Variants in TOX3 observed in about 807,000 individuals in gnomAD.
TOX3 encodes the protein TOX high mobility group box family member 3, also known as CAG trinucleotide repeat-containing gene F9 protein.
A neutral mutation model predicts 64.3 loss-of-function variants in TOX3; 22 were observed. The observed-to-expected ratio is 0.34, with a 90% CI of 0.24 to 0.49. TOX3 has a LOEUF of 0.49. Among genes scored for constraint, TOX3 ranks in the 20% least tolerant of loss-of-function variants. TOX3 has a pLI of 0.99. For synonymous variants in TOX3, 291 were observed against 273.6 expected (o/e 1.06, Z -0.63); for missense variants, 661 against 714.4 (o/e 0.93, Z 0.85).
intron 3 of TOX3, among the ~76,000 whole-genome samples, 164 bp downstream of exon 3, chr16:52,463,770 C>T (rs1378101283): frequency 1.3e-5 from 2 of 152,192 alleles, no homozygotes; most frequent in South Asian, 2.1e-4. Flanking sequence ...CCCAATACCC[C>T]TTTGTTCAAT....
chr16:52,478,232 T>C (rs1961272957), intron 1 of TOX3, among the ~76,000 whole-genome samples: 1 of 152,188 alleles, frequency 6.6e-6, no homozygotes, highest in Admixed American at 6.5e-5. Context: ...TGCTGGCTCC[T>C]TCTCCAAACT....
intron 1 of TOX3, among the ~76,000 whole-genome samples, chr16:52,530,455 A>G (rs1011201131): frequency 6.6e-6 from 1 of 151,642 alleles, no homozygotes; most frequent in Non-Finnish European, 1.5e-5. Flanking sequence ...TCCGGCCTCA[A>G]TCTCCCGAGT....
chr16:52,519,326 A>T (rs1596853236), intron 1 of TOX3: 3 of 1,387,128 alleles, frequency 2.2e-6, no homozygotes, highest in Admixed American at 2.3e-5. Context: ...TAGTGCATTC[A>T]TCAGACAAAC....
At chr16:52,507,600 G>A (rs2151468978) in intron 1 of TOX3, among the ~76,000 whole-genome samples, 1 of 152,062 alleles carries the variant, frequency 6.6e-6, no homozygotes, top group African/African-American at 2.4e-5. Context: ...CACACAGCTT[G>A]GTAAGCAAAA....
intron 1 of TOX3, among the ~76,000 whole-genome samples, chr16:52,486,134 T>C (rs1442695074): frequency 6.6e-6 from 1 of 152,106 alleles, no homozygotes; most frequent in Non-Finnish European, 1.5e-5. Flanking sequence ...GTTCAATGAA[T>C]GAGGCCCCCC....
intron 1 of TOX3, among the ~76,000 whole-genome samples, chr16:52,493,507 A>G (rs1961756608): frequency 6.6e-6 from 1 of 152,226 alleles, no homozygotes; most frequent in Admixed American, 6.5e-5. Flanking sequence ...TTTTATGCCA[A>G]ATATCATCTG....
At chr16:52,500,417 A>T (rs763753072) in intron 1 of TOX3, among the ~76,000 whole-genome samples, 1 of 152,220 alleles carries the variant, frequency 6.6e-6, no homozygotes, top group African/African-American at 2.4e-5. Context: ...GCATTCGATC[A>T]TATGAAGCAA....
intron 1 of TOX3, among the ~76,000 whole-genome samples, chr16:52,480,583 AC>A (rs1961343459): frequency 6.6e-6 from 1 of 152,312 alleles, no homozygotes; most frequent in African/African-American, 2.4e-5. Flanking sequence ...TTAAATGAAA[AC>A]CTTTTAACGA....
At chr16:52,486,098 T>A (rs1470543102) in intron 1 of TOX3, among the ~76,000 whole-genome samples, 1 of 152,156 alleles carries the variant, frequency 6.6e-6, no homozygotes, top group Non-Finnish European at 1.5e-5. Flanking sequence ...CATGTGAGAC[T>A]CTTTGTGAGA....
chr16:52,493,327 C>T (rs565187339), intron 1 of TOX3, among the ~76,000 whole-genome samples: 1 of 152,268 alleles, frequency 6.6e-6, no homozygotes, highest in African/African-American at 2.4e-5. Flanking sequence ...TATCAGCCCT[C>T]TTCCTCTCAG....
At chr16:52,522,075 A>G (rs191817047) in intron 1 of TOX3, among the ~76,000 whole-genome samples, 11 of 152,340 alleles carry the variant, frequency 7.2e-5, no homozygotes, top group Admixed American at 7.2e-4. Flanking sequence ...ATTAATACAG[A>G]TAGAGTACTT....
intron 1 of TOX3, among the ~76,000 whole-genome samples, chr16:52,480,968 G>A (rs771353442): frequency 3.3e-5 from 5 of 151,954 alleles, no homozygotes; most frequent in African/African-American, 4.8e-5. Context: ...GCATCCAGGG[G>A]ATAAAGGCCA....
chr16:52,519,542 T>C, intron 1 of TOX3: 1 of 1,530,838 alleles, frequency 6.5e-7, no homozygotes, highest in South Asian at 1.2e-5. Context: ...TCTTCTGTCC[T>C]CTGCTGGATG....
intron 1 of TOX3, among the ~76,000 whole-genome samples, chr16:52,504,888 G>A (rs1962118923): frequency 6.6e-6 from 1 of 152,096 alleles, no homozygotes; most frequent in Admixed American, 6.5e-5. Context: ...AGGCTGGAGT[G>A]CAGTGGCATG....
At chr16:52,483,532 A>G (rs1052882539) in intron 1 of TOX3, among the ~76,000 whole-genome samples, 3 of 150,314 alleles carry the variant, frequency 2.0e-5, no homozygotes, top group African/African-American at 7.3e-5. Context: ...TAAAATGGTA[A>G]AGTTGCTTCC....
intron 1 of TOX3, among the ~76,000 whole-genome samples, chr16:52,542,589 G>A (rs1237238007): frequency 6.6e-6 from 1 of 152,138 alleles, no homozygotes; most frequent in Non-Finnish European, 1.5e-5. Context: ...CCTTTAAATG[G>A]GGTATGTTCT....
chr16:52,498,350 A>T (rs1961905234), intron 1 of TOX3, among the ~76,000 whole-genome samples: 1 of 152,252 alleles, frequency 6.6e-6, no homozygotes, highest in African/African-American at 2.4e-5. Context: ...ATGTTATATA[A>T]GAGCAATAAA....
intron 1 of TOX3, among the ~76,000 whole-genome samples, chr16:52,537,878 TAAAAA>T (rs57403617): frequency 2.4e-3 from 271 of 111,002 alleles, no homozygotes; most frequent in African/African-American, 5.3e-3. Context: ...GCTGATATGA[TAAAAA>T]AAAAAAAAAA....
intron 1 of TOX3, among the ~76,000 whole-genome samples, chr16:52,498,922 C>T (rs1961927197): frequency 6.6e-6 from 1 of 152,302 alleles, no homozygotes; most frequent in Non-Finnish European, 1.5e-5. Flanking sequence ...CATTTCCTTC[C>T]TCAATCACAG....
Sources: allele counts gnomAD v4.1 joint callset (sites outside exome capture counted in the v4.1 genomes callset), GRCh38; gene constraint gnomAD v4.1.1; transcripts MANE v1.5; gene names NCBI Gene and HGNC (gene_info 2026-07-23, HGNC 2026-07-21).